Variants in ADGRD1 observed in about 807,000 individuals in gnomAD.
ADGRD1 encodes the protein G-protein coupled receptor 133.
In ADGRD1, 77 loss-of-function variants were observed where a neutral mutation model predicts 113.4. That is an observed-to-expected ratio of 0.68 (90% confidence interval 0.57 to 0.82). The LOEUF is 0.82. Among genes scored for constraint, ADGRD1 ranks in the 40% least tolerant of loss-of-function variants. ADGRD1 has a pLI of 0.00. For missense variants in ADGRD1, 1,036 were observed against 1,139.1 expected (o/e 0.91, Z 1.30); for synonymous variants, 474 against 475.0 (o/e 1.00, Z 0.03).
chr12:131,096,639 C>T lies in ADGRD1; in HGVS notation c.1672-8192C>T, dbSNP rs139212323. ...GCACTGCTGGTCCAGGTTTACATCCCGCCTCCATCTGTGAGGATGGGTTCC... is the reference window on the plus strand; with the variant it reads ...GCACTGCTGGTCCAGGTTTACATCCTGCCTCCATCTGTGAGGATGGGTTCC... On this transcript the variant is annotated intron_variant, in intron 15 of 24. Coordinates refer to ENST00000261654, the MANE Select transcript of ADGRD1 (RefSeq NM_198827.5). This position sits in a 1 kb window ranked among gnomAD's most constrained non-coding sequence, Gnocchi z 5.2. Among the ~76,000 whole-genome samples, 2,035 of 152,212 alleles carry T rather than the reference C, an allele frequency of 0.013. 31 individuals are homozygous for T. The highest frequency in any genetic ancestry group is 0.02 in the Non-Finnish European group (1,344 of 68,020).
chr12:131,058,650 G>T (rs1352437584), intron 13 of ADGRD1, among the ~76,000 whole-genome samples: 2 of 152,108 alleles, frequency 1.3e-5, no homozygotes, highest in African/African-American at 4.8e-5. Flanking sequence ...TAGAACTCAG[G>T]GTGCACAGTT....
Position 131,100,179 on chromosome 12 carries a change from T to G in ADGRD1, c.1672-4652T>G, listed in dbSNP as rs530150109. Among the ~76,000 whole-genome samples, 3 of 151,108 alleles carry G rather than the reference T, an allele frequency of 2.0e-5. No homozygotes were observed. The South Asian group carries it at 6.3e-4, about 32-fold the overall frequency. On this transcript the variant is annotated intron_variant, in intron 15 of 24. Transcript: ENST00000261654. Reference sequence around the variant, plus strand: ...TTAGGTTAGTTGGTAGTGGGTTGGTTGAAGGTGAGTTTATGATGAGTTTGG... The same window carrying G: ...TTAGGTTAGTTGGTAGTGGGTTGGTGGAAGGTGAGTTTATGATGAGTTTGG...
intron 14 of ADGRD1, among the ~76,000 whole-genome samples, chr12:131,083,049 C>T (rs1264257122): frequency 6.6e-6 from 1 of 152,194 alleles, no homozygotes; most frequent in East Asian, 1.9e-4. Flanking sequence ...TAGACATTGG[C>T]CAGAGAGGTA....
chr12:131,004,186 A>G lies in ADGRD1; in HGVS notation c.1145A>G (p.Glu382Gly). 2 of 1,607,136 alleles carry G rather than the reference A, an allele frequency of 1.2e-6. No individual in the cohort carries two copies. Among genetic ancestry groups the G allele is most frequent in the Non-Finnish European group, 1.7e-6 (2 of 1,173,870 alleles). Residue 382 changes from glutamate (E) to glycine (G), a missense_variant and splice_region_variant, in exon 11 of 25, where the codon GAG (glutamate) becomes GGG (glycine). Glu to Gly is a moderately conservative substitution (Grantham distance 98). Coordinates refer to ENST00000261654, the MANE Select transcript of ADGRD1 (RefSeq NM_198827.5). ...VTVEGSSAMA[E>G]FSVAKILPKT... Reference sequence around the variant, plus strand: ...CGCTCTCTCGCTCCTTCCACCGCAGAGTTTTCCGTGGCCAAAATCCTGCCC... The same window carrying G: ...CGCTCTCTCGCTCCTTCCACCGCAGGGTTTTCCGTGGCCAAAATCCTGCCC...
At chr12:131,126,642 C>T (rs142774553) in intron 20 of ADGRD1, among the ~76,000 whole-genome samples, 48 of 152,292 alleles carry the variant, frequency 3.2e-4, no homozygotes, top group Non-Finnish European at 6.2e-4. Flanking sequence ...TCCCTCCTCC[C>T]ACCAGAGATC....
chr12:131,139,623 C>G lies in ADGRD1; in HGVS notation c.*360C>G, dbSNP rs1030138665. 5.0e-6 allele frequency: 1 copy of G among 198,434 alleles called. No individual in the cohort carries two copies. The highest frequency in any genetic ancestry group is 1.0e-5 in the Non-Finnish European group (1 of 95,554). The allele number at this position is 198,434 out of a possible 1,614,324, so 12.3% of individuals were successfully genotyped here. A position where few individuals can be genotyped will look rare whatever the true frequency, so the allele number is the denominator to read the frequency against. On this transcript the variant is annotated 3_prime_UTR_variant, in exon 25 of 25. Transcript: ENST00000261654. ...ACACTCGGGGCCGGTCCCGCAGCAC[C>G]AGGAGGGGATGTTCAGCCTCTGTGC... is the stretch of plus-strand genomic sequence containing the variant.
rs1354294783 is a variant in ADGRD1 at position 131,057,366 on chromosome 12, G to A, written c.1474-19435G>A. 1.3e-5 allele frequency among the ~76,000 whole-genome samples: 2 copies of A among 152,210 alleles called. No homozygotes were observed. The highest frequency in any genetic ancestry group is 6.5e-5 in the Admixed American group (1 of 15,290). ...GGTGGAGAAAAGGGGCCAGATGGCA[G>A]CGGAGCCGAGTCTGCGCTGCTGTGG... On this transcript the variant is annotated intron_variant, in intron 13 of 24. Coordinates refer to ENST00000261654, the MANE Select transcript of ADGRD1 (RefSeq NM_198827.5). This position sits in a 1 kb window ranked among gnomAD's most constrained non-coding sequence, Gnocchi z 4.2.
chr12:130,972,264 T>C (rs1177663748), intron 4 of ADGRD1, among the ~76,000 whole-genome samples: 1 of 152,204 alleles, frequency 6.6e-6, no homozygotes, highest in Admixed American at 6.5e-5. Context: ...CAAACCAGCT[T>C]GGAGCCTTCA....
chr12:131,116,628 G>A (rs891861868), intron 18 of ADGRD1, among the ~76,000 whole-genome samples: 8 of 148,848 alleles, frequency 5.4e-5, no homozygotes, highest in African/African-American at 1.3e-4. Flanking sequence ...CTTCAGCTAC[G>A]GAGGCAGAGA....
At chr12:131,031,648 G>A (rs947604391) in intron 13 of ADGRD1, among the ~76,000 whole-genome samples, 1 of 152,018 alleles carries the variant, frequency 6.6e-6, no homozygotes, top group Admixed American at 6.5e-5. Context: ...GAGTTCTGGG[G>A]CCCCTCTCCA....
In ADGRD1 at chr12:130,971,903, C is replaced by T. The variant is rs1026522082; in HGVS notation, c.310+323C>T. On this transcript the variant is annotated intron_variant, in intron 4 of 24. Coordinates refer to ENST00000261654, the MANE Select transcript of ADGRD1 (RefSeq NM_198827.5). This position sits in a 1 kb window ranked among gnomAD's most constrained non-coding sequence, Gnocchi z 4.2. ...CAGTGGGGACTGGACAGGGCCGTGG[C>T]GTTTGTGGGAAGGAAATTGATGGCA... Among the ~76,000 whole-genome samples, 24 of 152,080 alleles carry T rather than the reference C, an allele frequency of 1.6e-4. No homozygotes were observed. The highest frequency in any genetic ancestry group is 5.1e-4 in the African/African-American group (21 of 41,410).
At chr12:131,112,002 TG>T (rs1950356846) in intron 18 of ADGRD1, among the ~76,000 whole-genome samples, 1 of 152,214 alleles carries the variant, frequency 6.6e-6, no homozygotes, top group Middle Eastern at 3.2e-3. Flanking sequence ...CTGGTTTCTT[TG>T]TATATCTCAT....
intron 15 of ADGRD1, among the ~76,000 whole-genome samples, chr12:131,085,124 T>C (rs1886365120): frequency 6.6e-6 from 1 of 152,156 alleles, no homozygotes; most frequent in South Asian, 2.1e-4. Flanking sequence ...ATTAGTCACT[T>C]TGAATCAGTG....
intron 3 of ADGRD1, chr12:130,967,998 G>A (rs995295361): frequency 3.3e-5 from 5 of 152,150 alleles, no homozygotes; most frequent in Non-Finnish European, 7.4e-5. Context: ...TTATTTTAAA[G>A]CCATGGAAAG....
At chr12:130,957,372 C>T (rs1346709613) in intron 2 of ADGRD1, 1 of 152,362 alleles carries the variant, frequency 6.6e-6, no homozygotes, top group Non-Finnish European at 1.5e-5. Flanking sequence ...TCTCTACACA[C>T]ATGCACATAC....
intron 18 of ADGRD1, among the ~76,000 whole-genome samples, chr12:131,117,402 G>A (rs1467138508): frequency 6.6e-6 from 1 of 152,212 alleles, no homozygotes; most frequent in African/African-American, 2.4e-5. Flanking sequence ...CTTGATCCAT[G>A]AGCTTAAGTA....
chr12:131,065,240 G>A (rs1361619675), intron 13 of ADGRD1, among the ~76,000 whole-genome samples: 1 of 152,222 alleles, frequency 6.6e-6, no homozygotes, highest in East Asian at 1.9e-4. Context: ...AGAGGTGAGA[G>A]AAAACGGAGT....
At chr12:131,067,556 C>T (rs1369874946) in intron 13 of ADGRD1, among the ~76,000 whole-genome samples, 1 of 149,648 alleles carries the variant, frequency 6.7e-6, no homozygotes, top group Admixed American at 6.6e-5. Flanking sequence ...CTGCCCTCTG[C>T]CTCCTATATG....
At chr12:131,117,711 G>A (rs1240611652) in intron 18 of ADGRD1, among the ~76,000 whole-genome samples, 2 of 152,208 alleles carry the variant, frequency 1.3e-5, no homozygotes, top group East Asian at 3.8e-4. Context: ...TGGACCTCAT[G>A]GAAAGATGGA....
Sources: allele counts gnomAD v4.1 joint callset (sites outside exome capture counted in the v4.1 genomes callset), GRCh38; gene constraint gnomAD v4.1.1; non-coding constraint Gnocchi (gnomAD v3.1); transcripts MANE v1.5; gene names NCBI Gene and HGNC (gene_info 2026-07-23, HGNC 2026-07-21).